The following TRMT10A variants were observed in gnomAD, a reference collection of about 807,000 sequenced individuals.
TRMT10A encodes tRNA methyltransferase 10 homolog A.
TRMT10A carries 37 observed loss-of-function variants against 40.4 expected under a neutral mutation model. The ratio of observed to expected loss-of-function variants is 0.92; its 90% CI spans 0.71 to 1.21. TRMT10A has a LOEUF of 1.21. Ranked by LOEUF, TRMT10A falls within the 50% of genes most tolerant of loss-of-function variation. The probability of loss-of-function intolerance (pLI) is 0.00; values close to 1 mark genes in which losing one functional copy is unlikely to be tolerated. For missense variants in TRMT10A, 388 were observed against 404.3 expected, an observed-to-expected ratio of 0.96 and a Z score of 0.35; for synonymous variants, 103 against 134.1, an observed-to-expected ratio of 0.77 and a Z score of 1.60.
Position 99,550,964 on chromosome 4 carries a change from A to G in TRMT10A, c.672T>C (p.Asp224=). Residue 224 remains aspartate (D), a synonymous_variant, in exon 7 of 8, where the codon GAT becomes GAC. Transcript: ENST00000394876. ...HKGLTYKQAS[D]YGINHAQLPL... is the part of the protein sequence containing the mutation. ...GGAGCTGTGCATGATTGATTCCATAATCTGACGCTTGTTTATATGTGAGTC... is the reference window on the plus strand; with the variant it reads ...GGAGCTGTGCATGATTGATTCCATAGTCTGACGCTTGTTTATATGTGAGTC... 1 of 1,612,300 alleles carries G rather than the reference A, an allele frequency of 6.2e-7. No homozygotes were observed. Among genetic ancestry groups the G allele is most frequent in the Non-Finnish European group, 8.5e-7 (1 of 1,179,138 alleles).
intron 3 of TRMT10A, 169 bp downstream of exon 3, chr4:99,557,880 A>G: frequency 1.6e-6 from 1 of 608,264 alleles, no homozygotes; most frequent in Non-Finnish European, 2.8e-6. Context: ...AAATACACAT[A>G]TTTATTATAT....
chr4:99,554,004 C>T (rs1724063543), intron 5 of TRMT10A, 70 bp from the exon 6 acceptor site: 3 of 1,483,614 alleles, frequency 2.0e-6, no homozygotes, highest in Admixed American at 2.1e-5. Context: ...AATGATTATT[C>T]TCTTTTCCCA....
intron 5 of TRMT10A, 100 bp from the exon 6 acceptor site, chr4:99,554,034 T>A (rs1724064962): frequency 8.2e-7 from 1 of 1,224,052 alleles, no homozygotes; most frequent in South Asian, 1.4e-5. Context: ...CATTCAAAAA[T>A]ATATGAAACA....
Position 99,548,006 on chromosome 4 carries a change from T to C in TRMT10A, c.*1082A>G, listed in dbSNP as rs1376001714. The C allele has an allele frequency of 1.3e-5, 2 of 152,122 alleles. No individual in the cohort carries two copies. Among genetic ancestry groups the C allele is most frequent in the Non-Finnish European group, 2.9e-5 (2 of 67,988 alleles). The allele number at this position is 152,122 out of a possible 1,614,324, so 9.4% of individuals were successfully genotyped here. ...CTATTCTTTCTTGCCAATGTTCCCA[T>C]ACAAACGTTAAGGATTTTTGTACTT... On this transcript the variant is annotated 3_prime_UTR_variant, in exon 8 of 8. Transcript: ENST00000394876.
chr4:99,556,349 A>C (rs1724160298), intron 4 of TRMT10A, 129 bp from the exon 5 acceptor site: 2 of 876,168 alleles, frequency 2.3e-6, no homozygotes, highest in Admixed American at 2.9e-5. Flanking sequence ...TCATCTAGAA[A>C]AAAAATTTGT....
chr4:99,558,000 A>C, intron 3 of TRMT10A, 49 bp downstream of exon 3: 1 of 1,471,932 alleles, frequency 6.8e-7, no homozygotes, highest in Non-Finnish European at 9.0e-7. Context: ...AACAAAAATG[A>C]TTCGACCTAA....
chr4:99,552,801 T>G (rs1016988285), intron 6 of TRMT10A, among the ~76,000 whole-genome samples: 1 of 151,996 alleles, frequency 6.6e-6, no homozygotes, highest in African/African-American at 2.4e-5. Flanking sequence ...CCTTGAAACC[T>G]ATGTCCAACC....
Position 99,558,229 on chromosome 4 carries a change from A to C in TRMT10A, c.186-18T>G. ...GCTTTTGTCTAAAATTAGTAATTGA[A>C]ATAACATTTTGTTATTGTGTATTCA... On this transcript the variant is annotated intron_variant, in intron 2 of 7. Transcript: ENST00000394876. 1 of 1,575,774 alleles carries C rather than the reference A, an allele frequency of 6.3e-7. No individual in the cohort carries two copies. The highest frequency in any genetic ancestry group is 8.6e-7 in the Non-Finnish European group (1 of 1,163,484).
intron 6 of TRMT10A, among the ~76,000 whole-genome samples, chr4:99,552,107 A>G (rs1373082715): frequency 6.6e-6 from 1 of 152,160 alleles, no homozygotes; most frequent in African/African-American, 2.4e-5. Context: ...AAGTTACAGT[A>G]AGCTAAGGTT....
chr4:99,546,842 C>G lies in TRMT10A; in HGVS notation c.*2246G>C, dbSNP rs1042563285. On this transcript the variant is annotated 3_prime_UTR_variant, in exon 8 of 8. Transcript: ENST00000394876. Reference sequence around the variant, plus strand: ...AAAACAATGTTGAGAGAAAAGTATACATGCAAATGAGCAAAAAGCTTAATA... The same window carrying G: ...AAAACAATGTTGAGAGAAAAGTATAGATGCAAATGAGCAAAAAGCTTAATA... 1 of 152,014 alleles carries G rather than the reference C, an allele frequency of 6.6e-6. No homozygotes were observed. Among genetic ancestry groups the G allele is most frequent in the African/African-American group, 2.4e-5 (1 of 41,388 alleles). The allele number at this position is 152,014 out of a possible 1,614,324, so 9.4% of individuals were successfully genotyped here.
intron 1 of TRMT10A, among the ~76,000 whole-genome samples, chr4:99,560,047 G>C (rs1724325814): frequency 6.6e-6 from 1 of 151,690 alleles, no homozygotes. Flanking sequence ...ATTTTAAAAA[G>C]AGATGAAAAG....
chr4:99,555,268 C>T (rs1474760021), intron 5 of TRMT10A, among the ~76,000 whole-genome samples: 2 of 152,090 alleles, frequency 1.3e-5, no homozygotes, highest in Non-Finnish European at 2.9e-5. Context: ...ATATCATAGG[C>T]TATTAATAAA....
chr4:99,557,340 C>T lies in TRMT10A; in HGVS notation c.420+5G>A. On this transcript the variant is annotated splice_donor_5th_base_variant and intron_variant, in intron 4 of 7. Coordinates refer to ENST00000394876, the MANE Select transcript of TRMT10A (RefSeq NM_001134665.3). Reference sequence around the variant, plus strand: ...TAGAGTCTGCTTTAAAATCTTTACACATACCTGCACAGGATGCAGTGCCCG... The same window carrying T: ...TAGAGTCTGCTTTAAAATCTTTACATATACCTGCACAGGATGCAGTGCCCG... 6.2e-7 allele frequency: 1 copy of T among 1,609,376 alleles called. No individual in the cohort carries two copies. Among genetic ancestry groups the T allele is most frequent in the Non-Finnish European group, 8.5e-7 (1 of 1,178,090 alleles).
At position 99,547,502 on chromosome 4, in the gene TRMT10A, AT is replaced by A. The variant is rs1014755787; in HGVS notation, c.*1585del. Reference sequence around the variant, plus strand: ...CCCTTTCATAATTAAACAGTGCCCTATTTTACATAAAATAATTTAAGTAAAA... The same window carrying A: ...CCCTTTCATAATTAAACAGTGCCCTATTTACATAAAATAATTTAAGTAAAA... On this transcript the variant is annotated 3_prime_UTR_variant, in exon 8 of 8. Transcript: ENST00000394876. 5 of 152,144 alleles carry A rather than the reference AT, an allele frequency of 3.3e-5. No individual in the cohort carries two copies. The highest frequency in any genetic ancestry group is 9.6e-5 in the African/African-American group (4 of 41,452). 9.4% of individuals were successfully genotyped at this position (152,144 alleles called of 1,614,324 possible).
At chr4:99,557,286 C>A in intron 4 of TRMT10A, 59 bp downstream of exon 4, 1 of 1,505,274 alleles carries the variant, frequency 6.6e-7, no homozygotes, top group South Asian at 1.2e-5. Flanking sequence ...TTATCTATGT[C>A]TTTTGCCACA....
chr4:99,563,859 C>T, intron 1 of TRMT10A, 54 bp downstream of exon 1: 1 of 683,964 alleles, frequency 1.5e-6, no homozygotes, highest in Non-Finnish European at 2.7e-6. Flanking sequence ...CGCCCCTTTG[C>T]GTCCAGAGAA....
chr4:99,552,533 G>A (rs1724003476), intron 6 of TRMT10A, among the ~76,000 whole-genome samples: 1 of 152,054 alleles, frequency 6.6e-6, no homozygotes, highest in South Asian at 2.1e-4. Flanking sequence ...GCTAAATGAT[G>A]TAATTCTTAG....
chr4:99,554,607 G>T (rs1724088706), intron 5 of TRMT10A, among the ~76,000 whole-genome samples: 1 of 151,442 alleles, frequency 6.6e-6, no homozygotes, highest in African/African-American at 2.4e-5. Flanking sequence ...TGTAATCCCA[G>T]CTACTCGGGA....
chr4:99,563,853 C>T, intron 1 of TRMT10A, 60 bp downstream of exon 1: 1 of 678,798 alleles, frequency 1.5e-6, no homozygotes, highest in Non-Finnish European at 2.7e-6. Context: ...GGCACGCGCC[C>T]CTTTGCGTCC....
Sources: gnomAD v4.1 joint callset for allele counts (sites outside exome capture counted in the v4.1 genomes callset) on GRCh38, gnomAD v4.1.1 for gene constraint, MANE v1.5 for transcripts, NCBI Gene and HGNC (gene_info 2026-07-23, HGNC 2026-07-21) for gene names.